The following GALNT13 variants were observed in gnomAD, a reference collection of about 807,000 sequenced individuals.
GALNT13 encodes the protein polypeptide N-acetylgalactosaminyltransferase 13.
Under a neutral mutation model 64.2 loss-of-function variants are expected in GALNT13, and 28 were observed. The observed-to-expected ratio is 0.44, with a 90% confidence interval of 0.32 to 0.60. The LOEUF is 0.60. Ranked by LOEUF, GALNT13 falls within the 20% of genes least tolerant of loss-of-function variation. The pLI is 0.05. For synonymous variants in GALNT13, 214 were observed against 224.6 expected (o/e 0.95, Z 0.42); for missense variants, 577 against 669.8 (o/e 0.86, Z 1.53).
chr2:153,240,646 A>G, the GALNT13 span, among the ~76,000 whole-genome samples: 4 of 152,284 alleles, frequency 2.6e-5, 1 homozygote, highest in South Asian at 4.1e-4. Flanking sequence ...ACCCTATCAC[A>G]GGATGTTTGT....
At chr2:153,942,195 T>C (rs1198991287) in intron 2 of GALNT13, among the ~76,000 whole-genome samples, 1 of 152,138 alleles carries the variant, frequency 6.6e-6, no homozygotes, top group Non-Finnish European at 1.5e-5. Context: ...GTGAGATTGA[T>C]GGGGCAGGAA....
Position 154,242,207 on chromosome 2 carries a change from GTTT to G in GALNT13, c.478+15_478+17del. On this transcript the variant is annotated intron_variant, in intron 5 of 12. Coordinates refer to ENST00000392825, the MANE Select transcript of GALNT13 (RefSeq NM_052917.4). Reference sequence around the variant, plus strand: ...ATGCCAGTGAAAGAGGTACAAACTGGTTTTTTGTTTTTGTTTTTGTTTTTTTGT... The same window carrying G: ...ATGCCAGTGAAAGAGGTACAAACTGGTTTGTTTTTGTTTTTGTTTTTTTGT... 1 of 1,599,966 alleles carries G rather than the reference GTTT, an allele frequency of 6.3e-7. No individual in the cohort carries two copies. Among genetic ancestry groups the G allele is most frequent in the Non-Finnish European group, 8.5e-7 (1 of 1,175,184 alleles).
the GALNT13 span, among the ~76,000 whole-genome samples, chr2:153,131,558 C>T: frequency 6.6e-6 from 1 of 152,058 alleles, no homozygotes; most frequent in Non-Finnish European, 1.5e-5. Flanking sequence ...CTCAAAGTCT[C>T]CTGGCCTCAC....
At chr2:154,057,615 A>G (rs1449154303) in intron 3 of GALNT13, among the ~76,000 whole-genome samples, 3 of 152,222 alleles carry the variant, frequency 2.0e-5, no homozygotes, top group Non-Finnish European at 4.4e-5. Flanking sequence ...AAAGAGAAGT[A>G]GGATCACATA....
chr2:154,300,833 A>G (rs1693401816), intron 8 of GALNT13, among the ~76,000 whole-genome samples: 1 of 152,174 alleles, frequency 6.6e-6, no homozygotes, highest in Non-Finnish European at 1.5e-5. Flanking sequence ...TAAAAAAGGT[A>G]CACATTACTA....
chr2:154,224,545 T>C (rs1238883719), intron 4 of GALNT13, among the ~76,000 whole-genome samples: 4 of 151,906 alleles, frequency 2.6e-5, no homozygotes, highest in African/African-American at 7.3e-5. Flanking sequence ...AGTATAAAGT[T>C]TTATAATTAA....
intron 3 of GALNT13, among the ~76,000 whole-genome samples, chr2:154,062,176 G>A (rs1700222656): frequency 6.6e-6 from 1 of 152,112 alleles, no homozygotes; most frequent in Middle Eastern, 3.2e-3. Flanking sequence ...TGCCAGACAT[G>A]TGCCAGAGTT....
chr2:153,175,535 G>A, the GALNT13 span, among the ~76,000 whole-genome samples: 1 of 152,264 alleles, frequency 6.6e-6, no homozygotes, highest in South Asian at 2.1e-4. Flanking sequence ...CTTCTGTCTT[G>A]CTATCTAATG....
the GALNT13 span, among the ~76,000 whole-genome samples, chr2:153,630,613 C>T: frequency 6.9e-6 from 1 of 145,148 alleles, no homozygotes; most frequent in Non-Finnish European, 1.5e-5. Flanking sequence ...CTAACCTGCA[C>T]ATTGTGCACA....
chr2:154,126,102 C>G (rs1013439169), intron 3 of GALNT13, among the ~76,000 whole-genome samples: 10 of 152,100 alleles, frequency 6.6e-5, no homozygotes, highest in African/African-American at 4.8e-5. Context: ...ACTGAAGACA[C>G]AAAGCCAATT....
At chr2:154,103,155 G>C (rs1420270845) in intron 3 of GALNT13, among the ~76,000 whole-genome samples, 2 of 151,552 alleles carry the variant, frequency 1.3e-5, no homozygotes, top group Non-Finnish European at 2.9e-5. Flanking sequence ...TCATAGGTTT[G>C]ATCACACTAC....
chr2:153,614,045 G>C, the GALNT13 span, among the ~76,000 whole-genome samples: 2 of 151,894 alleles, frequency 1.3e-5, no homozygotes, highest in African/African-American at 2.4e-5. Flanking sequence ...GTTTTGTTGA[G>C]TATTTCCCAA....
Position 154,260,688 on chromosome 2 carries a change from G to T in GALNT13, c.975+1550G>T, listed in dbSNP as rs942860788. Among the ~76,000 whole-genome samples the T allele has an allele frequency of 1.3e-5, 2 of 152,066 alleles. 1 individual carries two copies. The highest frequency in any genetic ancestry group is 4.2e-4 in the South Asian group (2 of 4,818). On this transcript the variant is annotated intron_variant, in intron 8 of 12. Transcript: ENST00000392825. ...ATTTGAGAACCCAAAATTATTACCTGTTATGGTTCTTATGGTGAAAGAAAT... is the reference window on the plus strand; with the variant it reads ...ATTTGAGAACCCAAAATTATTACCTTTTATGGTTCTTATGGTGAAAGAAAT...
chr2:153,178,441 G>A, the GALNT13 span, among the ~76,000 whole-genome samples: 468 of 152,170 alleles, frequency 3.1e-3, 7 homozygotes, highest in African/African-American at 0.011. Flanking sequence ...GTTTTAGTTT[G>A]CATTTCCCTA....
At chr2:154,360,044 C>T (rs970924058) in intron 9 of GALNT13, among the ~76,000 whole-genome samples, 1 of 152,084 alleles carries the variant, frequency 6.6e-6, no homozygotes, top group Non-Finnish European at 1.5e-5. Context: ...GGCATTGTAG[C>T]AAATGTCCTG....
chr2:153,401,966 C>T, the GALNT13 span, among the ~76,000 whole-genome samples: 1 of 147,538 alleles, frequency 6.8e-6, no homozygotes, highest in Non-Finnish European at 1.5e-5. Context: ...TTGATCCTGT[C>T]ATTATGATGT....
At chr2:153,122,231 G>A in the GALNT13 span, among the ~76,000 whole-genome samples, 1 of 151,754 alleles carries the variant, frequency 6.6e-6, no homozygotes, top group South Asian at 2.1e-4. Flanking sequence ...TGTACCAAGT[G>A]CAATGTCTGC....
chr2:154,380,974 T>C lies in GALNT13; in HGVS notation c.1157-15017T>C, dbSNP rs114894020. Among the ~76,000 whole-genome samples, 945 of 152,204 alleles carry C rather than the reference T, an allele frequency of 6.2e-3. 16 individuals carry two copies. Among genetic ancestry groups the C allele is most frequent in the African/African-American group, 0.021 (882 of 41,562 alleles). On this transcript the variant is annotated intron_variant, in intron 9 of 12. Coordinates refer to ENST00000392825, the MANE Select transcript of GALNT13 (RefSeq NM_052917.4). ...GGCAGCCTACAACATGGCAGTTTGC[T>C]TCACCAATGCCAGAAATGCAGAGAG...
At chr2:154,421,596 T>C (rs1181231351) in intron 11 of GALNT13, among the ~76,000 whole-genome samples, 2 of 39,182 alleles carry the variant, frequency 5.1e-5, no homozygotes, top group African/African-American at 1.8e-4. Flanking sequence ...AAAAATTATT[T>C]CTAATTTTTT....
Sources: allele counts gnomAD v4.1 joint callset (sites outside exome capture counted in the v4.1 genomes callset), GRCh38; gene constraint gnomAD v4.1.1; transcripts MANE v1.5; gene names NCBI Gene and HGNC (gene_info 2026-07-23, HGNC 2026-07-21).